The following SGCZ variants were observed in gnomAD, a reference collection of about 807,000 sequenced individuals.
SGCZ encodes the protein zeta-sarcoglycan.
In SGCZ, 40 loss-of-function variants were observed where a neutral mutation model predicts 41.3. The ratio of observed to expected loss-of-function variants is 0.97; its 90% CI spans 0.75 to 1.26. The LOEUF (loss-of-function observed/expected upper bound fraction) is 1.26, where lower values mean the gene tolerates loss of function less well. SGCZ is among the 50% of genes most tolerant of loss of function. The probability of loss-of-function intolerance (pLI) is 0.00; values close to 1 mark genes in which losing one functional copy is unlikely to be tolerated. For missense variants in SGCZ, 552 were observed against 369.8 expected (o/e 1.49, Z -4.04); for synonymous variants, 206 against 137.5 (o/e 1.50, Z -3.49).
intron 2 of SGCZ, among the ~76,000 whole-genome samples, chr8:14,340,890 A>C (rs1301382878): frequency 6.6e-6 from 1 of 152,086 alleles, no homozygotes; most frequent in South Asian, 2.1e-4. Context: ...CATCTTAAGA[A>C]ATTTTTATTA....
intron 1 of SGCZ, among the ~76,000 whole-genome samples, chr8:14,813,122 T>C (rs573214246): frequency 6.6e-6 from 1 of 152,298 alleles, no homozygotes; most frequent in South Asian, 2.1e-4. Flanking sequence ...TTGCAGATAC[T>C]GGGAGAGCCA....
chr8:14,920,560 C>T (rs1799559689), intron 1 of SGCZ, among the ~76,000 whole-genome samples: 1 of 151,502 alleles, frequency 6.6e-6, no homozygotes. Flanking sequence ...GAGGGTAAGT[C>T]AAAGATGAAT....
At chr8:14,584,330 G>A (rs918528486) in intron 1 of SGCZ, among the ~76,000 whole-genome samples, 1 of 152,128 alleles carries the variant, frequency 6.6e-6, no homozygotes, top group African/African-American at 2.4e-5. Flanking sequence ...ATGGTTGTGT[G>A]GTAAGTAGGT....
intron 2 of SGCZ, among the ~76,000 whole-genome samples, chr8:14,428,125 CACACACACATAT>C (rs1409720922): frequency 2.5e-4 from 1 of 4,074 alleles, no homozygotes; most frequent in African/African-American, 4.4e-4. Context: ...CACACACACA[CACACACACATAT>C]ATATATATAT....
At chr8:14,283,062 G>A (rs1413721986) in intron 3 of SGCZ, among the ~76,000 whole-genome samples, 1 of 151,532 alleles carries the variant, frequency 6.6e-6, no homozygotes, top group African/African-American at 2.4e-5. Flanking sequence ...TGTTAGCCAG[G>A]ATGCTCTCGA....
At chr8:14,968,399 T>G (rs1348984385) in intron 1 of SGCZ, among the ~76,000 whole-genome samples, 1 of 152,160 alleles carries the variant, frequency 6.6e-6, no homozygotes, top group Non-Finnish European at 1.5e-5. Flanking sequence ...GAGGAATTTT[T>G]CAGGATTTGC....
chr8:14,856,334 T>C (rs1334166768), intron 1 of SGCZ, among the ~76,000 whole-genome samples: 1 of 152,182 alleles, frequency 6.6e-6, no homozygotes, highest in African/African-American at 2.4e-5. Flanking sequence ...AGGCCCTTGC[T>C]CTTTTTCATC....
chr8:15,180,582 T>TAA (rs112582741), intron 1 of SGCZ, among the ~76,000 whole-genome samples: 3 of 146,380 alleles, frequency 2.0e-5, no homozygotes, highest in East Asian at 4.0e-4. Context: ...AAGAACAAGT[T>TAA]AAAAAAAAAA....
chr8:14,605,894 G>A (rs911656124), intron 1 of SGCZ, among the ~76,000 whole-genome samples: 9 of 152,070 alleles, frequency 5.9e-5, no homozygotes, highest in Non-Finnish European at 1.0e-4. Context: ...AAAAGATGAA[G>A]TATCTGTTGC....
chr8:14,396,474 T>C (rs947937737), intron 2 of SGCZ, among the ~76,000 whole-genome samples: 3 of 152,126 alleles, frequency 2.0e-5, no homozygotes, highest in Non-Finnish European at 4.4e-5. Context: ...TGTGATGTTA[T>C]TCAGCTCATT....
chr8:14,745,760 G>A (rs374504309), intron 1 of SGCZ, among the ~76,000 whole-genome samples: 37 of 151,964 alleles, frequency 2.4e-4, no homozygotes, highest in African/African-American at 6.0e-4. Context: ...GGGGCATGGG[G>A]AAAGAGGAAA....
At chr8:14,680,726 T>C (rs1174026687) in intron 1 of SGCZ, among the ~76,000 whole-genome samples, 7 of 150,698 alleles carry the variant, frequency 4.6e-5, no homozygotes, top group Non-Finnish European at 8.8e-5. Flanking sequence ...AAAATGCTCT[T>C]ATAAATATAC....
chr8:15,099,099 G>C (rs1027438517), intron 1 of SGCZ, among the ~76,000 whole-genome samples: 8 of 152,112 alleles, frequency 5.3e-5, no homozygotes, highest in Non-Finnish European at 7.4e-5. Context: ...TGCCTCTGCA[G>C]GTTTTATTAA....
chr8:14,375,058 G>T (rs1270560110), intron 2 of SGCZ, among the ~76,000 whole-genome samples: 1 of 152,148 alleles, frequency 6.6e-6, no homozygotes, highest in Non-Finnish European at 1.5e-5. Context: ...AGTCACTGCA[G>T]AAGAGCTGAG....
rs532683378 is a variant in SGCZ, at chr8:14,333,553, G to C, written c.235-9349C>G. Among the ~76,000 whole-genome samples the C allele has an allele frequency of 9.2e-5, 14 of 151,998 alleles. 1 individual carries two copies. The highest frequency in any genetic ancestry group is 5.2e-4 in the Admixed American group (8 of 15,280). On this transcript the variant is annotated intron_variant, in intron 2 of 7. Coordinates refer to ENST00000382080, the MANE Select transcript of SGCZ (RefSeq NM_139167.4). ...AAAGTTACTTTTTCAAATAAATTTA[G>C]AAAACCATTGCATGATATACTCCTA...
intron 1 of SGCZ, among the ~76,000 whole-genome samples, chr8:15,009,062 C>A (rs1051630518): frequency 6.6e-6 from 1 of 152,024 alleles, no homozygotes; most frequent in African/African-American, 2.4e-5. Context: ...TAGTAAAAAT[C>A]GTCATTTATC....
chr8:14,990,702 T>C (rs1236748630), intron 1 of SGCZ, among the ~76,000 whole-genome samples: 1 of 152,042 alleles, frequency 6.6e-6, no homozygotes, highest in Non-Finnish European at 1.5e-5. Flanking sequence ...GTAATAATAA[T>C]AGAAATAAAG....
intron 1 of SGCZ, among the ~76,000 whole-genome samples, chr8:14,820,340 A>C (rs929951534): frequency 6.6e-6 from 1 of 152,042 alleles, no homozygotes; most frequent in African/African-American, 2.4e-5. Context: ...TACACCCAAC[A>C]CTGGAGCACC....
At chr8:14,532,874 A>G (rs1235804641) in intron 2 of SGCZ, among the ~76,000 whole-genome samples, 2 of 151,938 alleles carry the variant, frequency 1.3e-5, no homozygotes, top group Admixed American at 6.6e-5. Flanking sequence ...CTCTGAGCTT[A>G]CTTGGAATGT....
Sources: gnomAD v4.1 joint callset for allele counts (sites outside exome capture counted in the v4.1 genomes callset) on GRCh38, gnomAD v4.1.1 for gene constraint, MANE v1.5 for transcripts, NCBI Gene and HGNC (gene_info 2026-07-23, HGNC 2026-07-21) for gene names.